Variants in SDK2 observed in about 807,000 individuals in gnomAD.
The protein encoded by SDK2 is sidekick cell adhesion molecule 2.
A neutral mutation model predicts 253.9 loss-of-function variants in SDK2; 105 were observed. That is an observed-to-expected ratio of 0.41 (90% CI 0.35 to 0.49). SDK2 has a LOEUF of 0.49. Among genes scored for constraint, SDK2 ranks in the 20% least tolerant of loss-of-function variants. The probability of loss-of-function intolerance (pLI) is 0.06; values close to 1 mark genes in which losing one functional copy is unlikely to be tolerated. For missense variants in SDK2, 2,608 were observed against 3,003.0 expected, an observed-to-expected ratio of 0.87 and a Z score of 3.07; for synonymous variants, 1,249 against 1,234.9, an observed-to-expected ratio of 1.01 and a Z score of -0.24.
intron 2 of SDK2, among the ~76,000 whole-genome samples, chr17:73,499,545 T>C (rs949927150): frequency 1.3e-5 from 2 of 152,122 alleles, no homozygotes; most frequent in African/African-American, 4.8e-5. Context: ...CGGAAGGGGG[T>C]CCTGCCTTCA....
At chr17:73,442,910 A>T (rs1363053922) in intron 5 of SDK2, among the ~76,000 whole-genome samples, 2 of 149,304 alleles carry the variant, frequency 1.3e-5, no homozygotes, top group Admixed American at 6.6e-5. Context: ...TTTTTTTTTT[A>T]AAGTAGAGGC....
intron 1 of SDK2, among the ~76,000 whole-genome samples, chr17:73,598,136 C>T (rs1427586954): frequency 2.6e-5 from 4 of 152,138 alleles, no homozygotes; most frequent in Admixed American, 6.5e-5. Context: ...TGCTAGGATC[C>T]CGTGCCCCAA....
intron 1 of SDK2, among the ~76,000 whole-genome samples, chr17:73,568,997 CTTAAT>C: frequency 6.6e-6 from 1 of 152,110 alleles, no homozygotes. Context: ...TGTATATTTT[CTTAAT>C]TTACACTCAT....
chr17:73,446,036 G>A (rs1367765883), intron 5 of SDK2, among the ~76,000 whole-genome samples: 1 of 152,160 alleles, frequency 6.6e-6, no homozygotes, highest in Non-Finnish European at 1.5e-5. Context: ...ACGCCTATGA[G>A]GAGGAGCTGG....
At chr17:73,349,879 G>T (rs1260810245) in intron 43 of SDK2, among the ~76,000 whole-genome samples, 1 of 152,174 alleles carries the variant, frequency 6.6e-6, no homozygotes, top group Admixed American at 6.5e-5. Flanking sequence ...GATCTGCAGG[G>T]CTGTTTCCCT....
At chr17:73,573,556 G>A (rs1478204189) in intron 1 of SDK2, among the ~76,000 whole-genome samples, 1 of 152,028 alleles carries the variant, frequency 6.6e-6, no homozygotes, top group East Asian at 1.9e-4. Flanking sequence ...CATCCTGCTG[G>A]CTCTACCCGC....
At chr17:73,513,502 C>G (rs962351294) in intron 1 of SDK2, 1 of 152,174 alleles carries the variant, frequency 6.6e-6, no homozygotes, top group Non-Finnish European at 1.5e-5. Flanking sequence ...GACAGCTTTG[C>G]GGGACTGTAG....
chr17:73,417,181 A>G (rs1271319214), intron 16 of SDK2, among the ~76,000 whole-genome samples: 14 of 150,694 alleles, frequency 9.3e-5, no homozygotes, highest in Non-Finnish European at 3.0e-5. Flanking sequence ...AGGCAGGTGG[A>G]TCACTTGAGG....
Position 73,643,993 on chromosome 17 carries a change from C to T in SDK2, c.64+32G>A, listed in dbSNP as rs1467161291. The T allele has an allele frequency of 6.6e-7, 1 of 1,519,944 alleles. No individual in the cohort carries two copies. The highest frequency in any genetic ancestry group is 2.5e-5 in the East Asian group (1 of 40,678). 94.2% of individuals were successfully genotyped at this position (1,519,944 alleles called of 1,614,324 possible). A position where few individuals can be genotyped will look rare whatever the true frequency, so the allele number is the denominator to read the frequency against. On this transcript the variant is annotated intron_variant, in intron 1 of 44. Coordinates refer to ENST00000392650, the MANE Select transcript of SDK2 (RefSeq NM_001144952.2). The surrounding 1 kb of genome is among the most constrained non-coding windows in gnomAD (Gnocchi z 6.9). Reference sequence around the variant, plus strand: ...CTCCCCCGCCCACTCTCCCAGCCCCCTCCCTGTCCCCACGTGGGGGTCCCT... The same window carrying T: ...CTCCCCCGCCCACTCTCCCAGCCCCTTCCCTGTCCCCACGTGGGGGTCCCT...
At chr17:73,558,841 C>T (rs1191705289) in intron 1 of SDK2, among the ~76,000 whole-genome samples, 2 of 152,174 alleles carry the variant, frequency 1.3e-5, no homozygotes, top group African/African-American at 2.4e-5. Flanking sequence ...AGCTCTTTGC[C>T]TGGCTTCTGG....
At chr17:73,583,107 C>A (rs906326832) in intron 1 of SDK2, among the ~76,000 whole-genome samples, 1 of 152,180 alleles carries the variant, frequency 6.6e-6, no homozygotes, top group South Asian at 2.1e-4. Context: ...CCTACTGGAC[C>A]GCTCAACTAG....
rs1310268041 is a variant in SDK2 at position 73,511,851 on chromosome 17, G to T, written c.65-4254C>A. On this transcript the variant is annotated intron_variant, in intron 1 of 44. Coordinates refer to ENST00000392650, the MANE Select transcript of SDK2 (RefSeq NM_001144952.2). This position sits in a 1 kb window ranked among gnomAD's most constrained non-coding sequence, Gnocchi z 4.9. ...AAGAATGACAGACTGAGGGGAAGAA[G>T]ATGCTGCTGGGATAACAGAACGTGT... Among the ~76,000 whole-genome samples the T allele has an allele frequency of 1.3e-5, 2 of 152,222 alleles. No individual in the cohort carries two copies. The highest frequency in any genetic ancestry group is 2.4e-5 in the African/African-American group (1 of 41,454).
At chr17:73,523,609 G>T (rs1452322180) in intron 1 of SDK2, among the ~76,000 whole-genome samples, 3 of 152,108 alleles carry the variant, frequency 2.0e-5, no homozygotes, top group African/African-American at 7.2e-5. Context: ...AAGAGGCAAG[G>T]ATGGGACTTC....
intron 2 of SDK2, among the ~76,000 whole-genome samples, chr17:73,478,625 C>T (rs1007480995): frequency 6.6e-5 from 10 of 152,100 alleles, no homozygotes; most frequent in Admixed American, 3.3e-4. Context: ...GGATTTTTAG[C>T]GACAAGAGAG....
chr17:73,414,547 CAG>C (rs140288684), intron 18 of SDK2, 95 bp downstream of exon 18: 45,984 of 908,096 alleles, frequency 0.051, 1,486 homozygotes, highest in South Asian at 0.11. Flanking sequence ...ACTTCAGAAA[CAG>C]AGGGGGGATT....
chr17:73,350,290 G>A lies in SDK2; in HGVS notation c.5985C>T (p.Asn1995=), dbSNP rs1486223231. Residue 1995 remains asparagine, a synonymous_variant, in exon 43 of 45, where the codon AAC becomes AAT. Transcript: ENST00000392650. The part of the protein sequence containing the change: ...ESSFPALELN[N]RRLSVKNSFC... ...AAGAGTTCTTGACGGAGAGCCGCCTGTTGTTGAGTTCCAGGGCAGGGAAGC... is the reference window on the plus strand; with the variant it reads ...AAGAGTTCTTGACGGAGAGCCGCCTATTGTTGAGTTCCAGGGCAGGGAAGC... 1.2e-6 allele frequency: 2 copies of A among 1,601,594 alleles called. No homozygotes were observed. Among genetic ancestry groups the A allele is most frequent in the Admixed American group, 3.4e-5 (2 of 58,514 alleles).
Position 73,379,483 on chromosome 17 carries a change from G to C in SDK2, c.4829C>G (p.Ser1610Cys). The C allele has an allele frequency of 6.2e-7, 1 of 1,612,098 alleles. No homozygotes were observed. Among genetic ancestry groups the C allele is most frequent in the Non-Finnish European group, 8.5e-7 (1 of 1,178,942 alleles). ...SVYNAVGEGPSSPPQEVFVGE... is the reference protein window; with the variant it reads ...SVYNAVGEGPCSPPQEVFVGE... ...AACAAAGACCTCCTGCGGGGGGCTG[G>C]AGGGCCCCTCACCCACAGCGTTGTA... The change falls in exon 35 of 45, where the codon TCC (serine) becomes TGC (cysteine). Residue 1610 changes from serine (S) to cysteine (C), a missense_variant. Coordinates refer to ENST00000392650, the MANE Select transcript of SDK2 (RefSeq NM_001144952.2). This position sits in a 1 kb window ranked among gnomAD's most constrained non-coding sequence, Gnocchi z 4.5.
At chr17:73,571,807 C>T (rs1354915951) in intron 1 of SDK2, among the ~76,000 whole-genome samples, 1 of 152,170 alleles carries the variant, frequency 6.6e-6, no homozygotes, top group Non-Finnish European at 1.5e-5. Context: ...GTCTGACCCT[C>T]CACAGGGGCT....
At chr17:73,421,686 C>T (rs1287644047) in intron 15 of SDK2, among the ~76,000 whole-genome samples, 2 of 122,610 alleles carry the variant, frequency 1.6e-5, no homozygotes, top group African/African-American at 3.1e-5. Context: ...CTCAGCCTCC[C>T]GAGTAGCTGG....
Sources: gnomAD v4.1 joint callset for allele counts (sites outside exome capture counted in the v4.1 genomes callset) on GRCh38, gnomAD v4.1.1 for gene constraint, Gnocchi (gnomAD v3.1) non-coding constraint, MANE v1.5 for transcripts, NCBI Gene and HGNC (gene_info 2026-07-23, HGNC 2026-07-21) for gene names.